The following CD244 variants were observed in gnomAD, a reference collection of about 807,000 sequenced individuals.
CD244 encodes the protein natural killer cell receptor 2B4.
Under a neutral mutation model 45.5 loss-of-function variants are expected in CD244, and 20 were observed. The ratio of observed to expected loss-of-function variants is 0.44; its 90% CI spans 0.31 to 0.64. CD244 has a LOEUF of 0.64. CD244 is among the 30% of genes least tolerant of loss of function. CD244 has a pLI of 0.08. For synonymous variants in CD244, 185 were observed against 160.5 expected (o/e 1.15, Z -1.15); for missense variants, 407 against 426.9 (o/e 0.95, Z 0.41).
intron 6 of CD244, among the ~76,000 whole-genome samples, chr1:160,835,351 G>T (rs1669296599): frequency 6.6e-6 from 1 of 152,180 alleles, no homozygotes; most frequent in Non-Finnish European, 1.5e-5. Flanking sequence ...GTAGCCTTGA[G>T]ATATCAGTTG....
chr1:160,851,876 A>AC (rs1491102603), intron 1 of CD244, among the ~76,000 whole-genome samples: 3 of 152,000 alleles, frequency 2.0e-5, no homozygotes, highest in East Asian at 1.9e-4. Context: ...ACACACACAC[A>AC]AAAATAAATC....
At chr1:160,858,717 T>A (rs920722848) in intron 1 of CD244, among the ~76,000 whole-genome samples, 3 of 152,242 alleles carry the variant, frequency 2.0e-5, no homozygotes, top group African/African-American at 7.2e-5. Flanking sequence ...ACAACTGTAG[T>A]AACAGTGACT....
chr1:160,839,287 C>A lies in CD244; in HGVS notation c.656-238G>T, dbSNP rs949148280. 4 of 416,214 alleles carry A rather than the reference C, an allele frequency of 9.6e-6. No homozygotes were observed. In the Admixed American group the frequency reaches 1.6e-4, roughly 17 times the overall value. 25.8% of individuals were successfully genotyped at this position (416,214 alleles called of 1,614,324 possible). On this transcript the variant is annotated intron_variant, in intron 3 of 8. Coordinates refer to ENST00000368034, the MANE Select transcript of CD244 (RefSeq NM_016382.4). ...CTGGCTCAAATTCTAACCCTGTGAG[C>A]TCTGCACTATTTATTTAACCTCTCT...
At position 160,839,033 on chromosome 1, in the gene CD244, C is replaced by T. The variant is rs749999954; in HGVS notation, c.672G>A (p.Pro224=). The change falls in exon 4 of 9, where the codon CCG becomes CCA. Residue 224 remains proline, a synonymous_variant. Transcript: ENST00000368034. ...TTAGAATCACGATGATCACCAAAAA[C>T]GGCCAAAATCTGAATTCTGAGGAAT... is the stretch of plus-strand genomic sequence containing the variant. ...QNAHQEFRFW[P]FLVIIVILSA... is the part of the protein sequence containing the mutation. The T allele has an allele frequency of 1.4e-5, 22 of 1,613,530 alleles. No homozygotes were observed. Among genetic ancestry groups the T allele is most frequent in the Non-Finnish European group, 1.8e-5 (21 of 1,179,668 alleles).
In CD244 at chr1:160,841,210, C is replaced by G. The variant is rs912224010; in HGVS notation, c.655G>C (p.Glu219Gln). ...LTQDCQNAHQEFRFWPFLVII... is the reference protein window; with the variant it reads ...LTQDCQNAHQQFRFWPFLVII... ...TTATAGCCCAGTGTGTTCCACTTAC[C>G]CTGATGGGCATTCTGACAGTCCTGA... The change falls in exon 3 of 9, where the codon GAA becomes CAA. Residue 219 changes from glutamate to glutamine, a missense_variant and splice_region_variant. Coordinates refer to ENST00000368034, the MANE Select transcript of CD244 (RefSeq NM_016382.4). 6.2e-7 allele frequency: 1 copy of G among 1,613,978 alleles called. No individual in the cohort carries two copies. The highest frequency in any genetic ancestry group is 8.5e-7 in the Non-Finnish European group (1 of 1,179,978).
Position 160,834,029 on chromosome 1 carries a change from AC to A in CD244, c.960+21del, listed in dbSNP as rs1669232520. On this transcript the variant is annotated intron_variant, in intron 7 of 8. Transcript: ENST00000368034. ...ACATCTACATCAACAACACCCCACC[AC>A]CACCACGGGAAGAGGCTCACCTTCC... The A allele has an allele frequency of 3.8e-6, 6 of 1,573,882 alleles. No homozygotes were observed. In the African/African-American group the frequency reaches 5.4e-5, roughly 14 times the overall value.
At chr1:160,846,115 G>T (rs1000426165) in intron 1 of CD244, among the ~76,000 whole-genome samples, 2 of 151,878 alleles carry the variant, frequency 1.3e-5, no homozygotes, top group African/African-American at 4.8e-5. Context: ...ACAAGAGAAA[G>T]TTCATTAGAG....
intron 1 of CD244, among the ~76,000 whole-genome samples, chr1:160,860,228 G>A (rs570928836): frequency 6.6e-6 from 1 of 152,004 alleles, no homozygotes; most frequent in South Asian, 2.1e-4. Context: ...TAATAATGAT[G>A]ATATAAAATA....
chr1:160,860,967 C>A (rs1414921176), intron 1 of CD244, among the ~76,000 whole-genome samples: 1 of 152,210 alleles, frequency 6.6e-6, no homozygotes. Flanking sequence ...GTGCAAGGGC[C>A]GGCATAGCCA....
chr1:160,861,258 G>T (rs4656942), intron 1 of CD244, among the ~76,000 whole-genome samples: 1 of 152,054 alleles, frequency 6.6e-6, no homozygotes, highest in African/African-American at 2.4e-5. Flanking sequence ...CCTGCTCCCT[G>T]TTCCTCATCA....
Position 160,862,646 on chromosome 1 carries a change from A to C in CD244, c.32T>G (p.Leu11Arg). Residue 11 changes from leucine to arginine, a missense_variant, in exon 1 of 9, where the codon CTC becomes CGC. By Grantham distance (102) the Leu-to-Arg change is moderately radical. Transcript: ENST00000368034. Reference protein sequence around the residue: MLGQVVTLILLLLLKVYQGKG... With the variant: MLGQVVTLILRLLLKVYQGKG... Reference sequence around the variant, plus strand: ...GCCCTGATACACCTTGAGGAGCAGGAGGAGTATGAGGGTGACCACTTGCCC... The same window carrying C: ...GCCCTGATACACCTTGAGGAGCAGGCGGAGTATGAGGGTGACCACTTGCCC... The C allele has an allele frequency of 1.2e-6, 2 of 1,614,084 alleles. No homozygotes were observed. Among genetic ancestry groups the C allele is most frequent in the Non-Finnish European group, 1.7e-6 (2 of 1,179,978 alleles).
chr1:160,833,168 A>T (rs527801306), intron 7 of CD244, among the ~76,000 whole-genome samples: 1 of 152,152 alleles, frequency 6.6e-6, no homozygotes, highest in Non-Finnish European at 1.5e-5. Context: ...GCAGGTGAAC[A>T]TGGTGCCTGT....
At chr1:160,839,818 C>CA (rs1326335754) in intron 3 of CD244, among the ~76,000 whole-genome samples, 7 of 152,106 alleles carry the variant, frequency 4.6e-5, no homozygotes, top group Non-Finnish European at 8.8e-5. Flanking sequence ...GTTTTTAACT[C>CA]AAAAAATACT....
chr1:160,833,517 G>C (rs1164266138), intron 7 of CD244, among the ~76,000 whole-genome samples: 1 of 152,170 alleles, frequency 6.6e-6, no homozygotes, highest in Non-Finnish European at 1.5e-5. Context: ...AGAGAGCTAC[G>C]AACTCAGCTT....
At chr1:160,851,076 C>T (rs771072789) in intron 1 of CD244, among the ~76,000 whole-genome samples, 4 of 152,118 alleles carry the variant, frequency 2.6e-5, no homozygotes, top group Admixed American at 6.5e-5. Context: ...TCCATGCCTT[C>T]CCAGGGCGTG....
chr1:160,839,115 T>G (rs1381342042), intron 3 of CD244, 66 bp from the exon 4 acceptor site: 13 of 1,201,874 alleles, frequency 1.1e-5, no homozygotes, highest in Non-Finnish European at 1.6e-5. Context: ...CCCACCTGCC[T>G]GCTGCAGGGG....
At chr1:160,834,523 T>G (rs1669257785) in intron 6 of CD244, among the ~76,000 whole-genome samples, 1 of 152,112 alleles carries the variant, frequency 6.6e-6, no homozygotes, top group Non-Finnish European at 1.5e-5. Context: ...GCCCAGCTAA[T>G]TTTTGTATTT....
intron 1 of CD244, among the ~76,000 whole-genome samples, chr1:160,843,970 T>G (rs1451558301): frequency 3.9e-5 from 6 of 152,228 alleles, no homozygotes; most frequent in African/African-American, 1.4e-4. Context: ...CCATCAGTGT[T>G]GAGGTTGGTA....
At position 160,861,817 on chromosome 1, in the gene CD244, A is replaced by T. The variant is rs139907394; in HGVS notation, c.61+800T>A. ...ACGCCACTGCACTCCAGCCTGGGTG[A>T]CAGAAGGAGACTCTGTCTCAAAAAA... is the stretch of plus-strand genomic sequence containing the variant. On this transcript the variant is annotated intron_variant, in intron 1 of 8. Transcript: ENST00000368034. 3.1e-3 allele frequency among the ~76,000 whole-genome samples: 477 copies of T among 152,312 alleles called. 2 individuals are homozygous for T. Among genetic ancestry groups the T allele is most frequent in the African/African-American group, 0.011 (458 of 41,570 alleles).
Sources: allele counts gnomAD v4.1 joint callset (sites outside exome capture counted in the v4.1 genomes callset), GRCh38; gene constraint gnomAD v4.1.1; transcripts MANE v1.5; gene names NCBI Gene and HGNC (gene_info 2026-07-23, HGNC 2026-07-21).